Variants in CHST3 observed in about 807,000 individuals in gnomAD.
CHST3 encodes the protein C6ST-1.
A neutral mutation model predicts 35.4 loss-of-function variants in CHST3; 20 were observed. The ratio of observed to expected loss-of-function variants is 0.57; its 90% CI spans 0.40 to 0.82. CHST3 has a LOEUF of 0.82. Among genes scored for constraint, CHST3 ranks in the 40% least tolerant of loss-of-function variants. CHST3 has a pLI of 0.00. For synonymous variants in CHST3, 334 were observed against 295.9 expected, an observed-to-expected ratio of 1.13 and a Z score of -1.32; for missense variants, 693 against 670.1, an observed-to-expected ratio of 1.03 and a Z score of -0.38.
Position 72,007,677 on chromosome 10 carries a change from A to C in CHST3, c.646A>C (p.Thr216Pro). 1.2e-6 allele frequency: 2 copies of C among 1,608,696 alleles called. No homozygotes were observed. Among genetic ancestry groups the C allele is most frequent in the Non-Finnish European group, 1.7e-6 (2 of 1,179,478 alleles). ...CACGCCGCTGCCCGAGGACCACCTG[A>C]CTCAGTTCATGTTCCGCCGGGGCTC... ...FITPLPEDHL[T>P]QFMFRRGSSR... The change falls in exon 3 of 3, where the codon ACT (threonine) becomes CCT (proline). Residue 216 changes from threonine (T) to proline (P), a missense_variant. Transcript: ENST00000373115.
At chr10:71,967,975 A>AT (rs61420934) in intron 1 of CHST3, among the ~76,000 whole-genome samples, 39,987 of 141,982 alleles carry the variant, frequency 0.28, 5,754 homozygotes, top group South Asian at 0.34. Flanking sequence ...TGCGTGGCTA[A>AT]TTTTTTTTTT....
chr10:71,973,944 A>C (rs1839720376), intron 1 of CHST3, among the ~76,000 whole-genome samples: 1 of 152,204 alleles, frequency 6.6e-6, no homozygotes, highest in South Asian at 2.1e-4. Context: ...GGTTACGCAC[A>C]CAGGCTCTAG....
chr10:72,007,258 C>G lies in CHST3; in HGVS notation c.227C>G (p.Ser76Cys). 3.1e-6 allele frequency: 5 copies of G among 1,614,248 alleles called. No individual in the cohort carries two copies. Among genetic ancestry groups the G allele is most frequent in the Non-Finnish European group, 4.2e-6 (5 of 1,180,046 alleles). Residue 76 changes from serine to cysteine, a missense_variant, in exon 3 of 3, where the codon TCT (serine) becomes TGT (cysteine). Ser to Cys is a moderately radical substitution (Grantham distance 112, BLOSUM62 -1). Transcript: ENST00000373115. ...GCCCTGATCTTAGCTGAGAACGCAT[C>G]TCTCTTGTCCCTGAGCGAGCTCGAT... ...DPALILAENA[S>C]LLSLSELDSA...
chr10:71,993,898 A>C (rs1483088161), intron 1 of CHST3, among the ~76,000 whole-genome samples: 2 of 152,174 alleles, frequency 1.3e-5, no homozygotes, highest in African/African-American at 2.4e-5. Flanking sequence ...TCAGGAGTTC[A>C]AGACCAGCCT....
chr10:71,981,341 C>T (rs1487986246), intron 1 of CHST3, among the ~76,000 whole-genome samples: 1 of 152,282 alleles, frequency 6.6e-6, no homozygotes, highest in African/African-American at 2.4e-5. Flanking sequence ...AAGCCTCCTC[C>T]TCTGTAGCCT....
intron 1 of CHST3, among the ~76,000 whole-genome samples, chr10:71,971,103 G>C (rs1014166014): frequency 6.6e-5 from 10 of 152,282 alleles, no homozygotes; most frequent in South Asian, 2.1e-4. Context: ...CGGTTAGAAG[G>C]GGGAGAGCCA....
At chr10:71,967,054 C>T (rs1317800977) in intron 1 of CHST3, among the ~76,000 whole-genome samples, 2 of 152,180 alleles carry the variant, frequency 1.3e-5, no homozygotes, top group African/African-American at 4.8e-5. Context: ...GGCAGGAGTG[C>T]AGTGGCACGA....
At chr10:71,986,135 C>T (rs1839845265) in intron 1 of CHST3, among the ~76,000 whole-genome samples, 2 of 152,204 alleles carry the variant, frequency 1.3e-5, no homozygotes, top group African/African-American at 2.4e-5. Context: ...GCAAGAGATT[C>T]AGCAGGCCGC....
At chr10:71,978,333 T>A (rs969004379) in intron 1 of CHST3, among the ~76,000 whole-genome samples, 1 of 149,420 alleles carries the variant, frequency 6.7e-6, no homozygotes, top group Non-Finnish European at 1.5e-5. Context: ...ACCATTGCAC[T>A]CCAGCCTAGG....
intron 1 of CHST3, among the ~76,000 whole-genome samples, chr10:71,979,379 G>C (rs960859993): frequency 5.9e-5 from 9 of 152,160 alleles, no homozygotes; most frequent in Non-Finnish European, 1.5e-5. Context: ...AGTCTCGGGA[G>C]GGGGGTTAGA....
chr10:72,003,463 G>T (rs1208210581), intron 1 of CHST3, among the ~76,000 whole-genome samples: 2 of 152,238 alleles, frequency 1.3e-5, no homozygotes, highest in East Asian at 3.9e-4. Flanking sequence ...ACTTTGGGAG[G>T]CCGAGGCAAG....
At chr10:71,990,803 A>G (rs2131754463) in intron 1 of CHST3, among the ~76,000 whole-genome samples, 1 of 152,360 alleles carries the variant, frequency 6.6e-6, no homozygotes, top group East Asian at 1.9e-4. Flanking sequence ...CATTCAGCCC[A>G]TAGCTAAGAG....
rs117455047 is a variant in CHST3 at position 71,980,812 on chromosome 10, G to A, written c.-108+16118G>A. On this transcript the variant is annotated intron_variant, in intron 1 of 2. Transcript: ENST00000373115. Reference sequence around the variant, plus strand: ...AATTGCTGATTGCTAACATCCGAACGGTGGATCTCTGAGATACTTGAGGAT... The same window carrying A: ...AATTGCTGATTGCTAACATCCGAACAGTGGATCTCTGAGATACTTGAGGAT... Among the ~76,000 whole-genome samples the A allele has an allele frequency of 6.2e-3, 951 of 152,306 alleles. 7 individuals are homozygous for A. The highest frequency in any genetic ancestry group is 0.011 in the Non-Finnish European group (719 of 68,016).
chr10:72,007,241 C>A lies in CHST3; in HGVS notation c.210C>A (p.Ile70=), dbSNP rs1189584739. 8.1e-6 allele frequency: 13 copies of A among 1,614,240 alleles called. No homozygotes were observed. Among genetic ancestry groups the A allele is most frequent in the Non-Finnish European group, 1.1e-5 (13 of 1,180,044 alleles). ...CCAACAGCACCGACCCAGCCCTGATCTTAGCTGAGAACGCATCTCTCTTGT... is the reference window on the plus strand; with the variant it reads ...CCAACAGCACCGACCCAGCCCTGATATTAGCTGAGAACGCATCTCTCTTGT... ...ADANSTDPAL[I]LAENASLLSL... is the part of the protein sequence containing the mutation. Residue 70 remains isoleucine, a synonymous_variant, in exon 3 of 3, where the codon ATC becomes ATA. Transcript: ENST00000373115.
chr10:71,999,483 C>T (rs986724063), intron 1 of CHST3, among the ~76,000 whole-genome samples: 2 of 152,242 alleles, frequency 1.3e-5, no homozygotes, highest in African/African-American at 2.4e-5. Flanking sequence ...CCTCCTCCAG[C>T]TCGTGGGAAA....
chr10:71,968,815 G>T (rs993393281), intron 1 of CHST3, among the ~76,000 whole-genome samples: 1 of 152,014 alleles, frequency 6.6e-6, no homozygotes, highest in Non-Finnish European at 1.5e-5. Flanking sequence ...ATTTTGGGGG[G>T]GCACACAGGG....
chr10:71,989,376 G>A (rs1839877156), intron 1 of CHST3, among the ~76,000 whole-genome samples: 1 of 152,164 alleles, frequency 6.6e-6, no homozygotes, highest in Non-Finnish European at 1.5e-5. Context: ...GAGTCCAGGA[G>A]GTTGAGGCTG....
At chr10:72,001,707 C>G (rs1839995035) in intron 1 of CHST3, among the ~76,000 whole-genome samples, 1 of 152,098 alleles carries the variant, frequency 6.6e-6, no homozygotes, top group Non-Finnish European at 1.5e-5. Context: ...CTCCAGACCT[C>G]AGGTCCACCT....
rs541051122 is a variant in CHST3, at chr10:71,965,192, T to C, written c.-108+498T>C. On this transcript the variant is annotated intron_variant, in intron 1 of 2. Coordinates refer to ENST00000373115, the MANE Select transcript of CHST3 (RefSeq NM_004273.5). Reference sequence around the variant, plus strand: ...CCCCGAGACCAAGGGGAGCAGATGTTGCAGTCGGTTCTCGGAGTTCTGCAG... The same window carrying C: ...CCCCGAGACCAAGGGGAGCAGATGTCGCAGTCGGTTCTCGGAGTTCTGCAG... Among the ~76,000 whole-genome samples the C allele has an allele frequency of 3.3e-5, 5 of 152,258 alleles. No individual in the cohort carries two copies. In the East Asian group the frequency reaches 9.7e-4, roughly 29 times the overall value.
Sources: allele counts gnomAD v4.1 joint callset (sites outside exome capture counted in the v4.1 genomes callset), GRCh38; gene constraint gnomAD v4.1.1; transcripts MANE v1.5; gene names NCBI Gene and HGNC (gene_info 2026-07-23, HGNC 2026-07-21).